The following GCNT2 variants were observed in gnomAD, a reference collection of about 807,000 sequenced individuals.
GCNT2 encodes the protein N-acetyllactosaminide beta-1,6-N-acetylglucosaminyl-transferase.
In GCNT2, 34 loss-of-function variants were observed where a neutral mutation model predicts 34.2. The observed-to-expected ratio is 1.00, with a 90% CI of 0.76 to 1.32. The LOEUF is 1.32. GCNT2 is among the 40% of genes most tolerant of loss of function. GCNT2 has a pLI of 0.00. For missense variants in GCNT2, 584 were observed against 489.4 expected (o/e 1.19, Z -1.82); for synonymous variants, 212 against 188.0 (o/e 1.13, Z -1.04).
At chr6:10,622,628 T>C (rs1255318691) in intron 4 of GCNT2, among the ~76,000 whole-genome samples, 1 of 151,880 alleles carries the variant, frequency 6.6e-6, no homozygotes, top group Non-Finnish European at 1.5e-5. Context: ...ATGCAATAAA[T>C]ATTTATTTAG....
rs760087190 is a variant in GCNT2, at chr6:10,529,015, T to C, written c.104T>C (p.Leu35Pro). The C allele has an allele frequency of 6.2e-7, 1 of 1,614,088 alleles. No homozygotes were observed. Among genetic ancestry groups the C allele is most frequent in the Non-Finnish European group, 8.5e-7 (1 of 1,179,916 alleles). The change falls in exon 3 of 5, where the codon CTG (leucine) becomes CCG (proline). Residue 35 changes from leucine (L) to proline (P), a missense_variant. Leu to Pro is a moderately conservative substitution (Grantham distance 98). Coordinates refer to ENST00000495262, the MANE Select transcript of GCNT2 (RefSeq NM_145649.5). Reference sequence around the variant, plus strand: ...GAGTTATGGGAGAATAAACGTTTTCTGAGGGCAGCTCTGTCCAATGCTTCA... The same window carrying C: ...GAGTTATGGGAGAATAAACGTTTTCCGAGGGCAGCTCTGTCCAATGCTTCA... Reference protein sequence around the residue: ...NTELWENKRFLRAALSNASLL... With the variant: ...NTELWENKRFPRAALSNASLL...
At chr6:10,566,352 C>A (rs571304757) in intron 3 of GCNT2, among the ~76,000 whole-genome samples, 5 of 152,268 alleles carry the variant, frequency 3.3e-5, no homozygotes, top group African/African-American at 1.2e-4. Context: ...GGCTGGAGTG[C>A]AGTGATACCA....
At chr6:10,611,354 C>T (rs1273131548) in intron 3 of GCNT2, among the ~76,000 whole-genome samples, 5 of 133,698 alleles carry the variant, frequency 3.7e-5, no homozygotes, top group Non-Finnish European at 6.3e-5. Context: ...TTTTTTGAGA[C>T]GGAGTCTCGC....
rs1191071044 is a variant in GCNT2, at chr6:10,621,404, A to C, written c.979A>C (p.Lys327Gln). The change falls in exon 4 of 5, where the codon AAG becomes CAG. Residue 327 changes from lysine (K) to glutamine (Q), a missense_variant. By Grantham distance (53) the Lys-to-Gln change is moderately conservative. Coordinates refer to ENST00000495262, the MANE Select transcript of GCNT2 (RefSeq NM_145649.5). Reference sequence around the variant, plus strand: ...CTGGACTGGAAACCTCAGAGCTATAAAGTGGAGTGACATGGAAGACAGACA... The same window carrying C: ...CTGGACTGGAAACCTCAGAGCTATACAGTGGAGTGACATGGAAGACAGACA... ...ASWTGNLRAIKWSDMEDRHGG... is the reference protein window; with the variant it reads ...ASWTGNLRAIQWSDMEDRHGG... 6.2e-7 allele frequency: 1 copy of C among 1,613,734 alleles called. No individual in the cohort carries two copies. Among genetic ancestry groups the C allele is most frequent in the Non-Finnish European group, 8.5e-7 (1 of 1,179,678 alleles).
chr6:10,565,610 C>T (rs1241378772), intron 3 of GCNT2, among the ~76,000 whole-genome samples: 5 of 152,334 alleles, frequency 3.3e-5, no homozygotes, highest in Non-Finnish European at 5.9e-5. Context: ...TTGCAGTCAG[C>T]TTCTGCTGGC....
At chr6:10,605,601 C>G (rs1409500045) in intron 3 of GCNT2, among the ~76,000 whole-genome samples, 1 of 151,982 alleles carries the variant, frequency 6.6e-6, no homozygotes, top group Non-Finnish European at 1.5e-5. Context: ...GTCATTGGTA[C>G]TTTTAAAAAG....
chr6:10,552,255 G>C (rs1477788709), intron 3 of GCNT2, among the ~76,000 whole-genome samples: 2 of 151,554 alleles, frequency 1.3e-5, no homozygotes, highest in Non-Finnish European at 2.9e-5. Flanking sequence ...ATGTGCTTTG[G>C]AAATGTCTTC....
chr6:10,602,720 G>T (rs756683773), intron 3 of GCNT2, among the ~76,000 whole-genome samples: 3 of 152,204 alleles, frequency 2.0e-5, no homozygotes, highest in Non-Finnish European at 4.4e-5. Context: ...TGGAGGGAAG[G>T]TTTTACAAGT....
intron 3 of GCNT2, among the ~76,000 whole-genome samples, chr6:10,563,178 A>T (rs1763086912): frequency 1.3e-5 from 2 of 152,032 alleles, no homozygotes; most frequent in African/African-American, 4.8e-5. Flanking sequence ...AAATAAGCAC[A>T]TCCCTCCTGT....
intron 3 of GCNT2, among the ~76,000 whole-genome samples, chr6:10,608,906 CAG>C (rs1445506999): frequency 6.6e-6 from 1 of 152,186 alleles, no homozygotes; most frequent in East Asian, 1.9e-4. Flanking sequence ...TACATGTCAA[CAG>C]GGCCAGACAA....
chr6:10,574,973 C>G (rs1243107917), intron 3 of GCNT2: 1 of 721,586 alleles, frequency 1.4e-6, no homozygotes, highest in African/African-American at 1.7e-5. Flanking sequence ...ATTCTCTTGG[C>G]AAGAATCTTG....
At chr6:10,605,941 C>T (rs111370698) in intron 3 of GCNT2, among the ~76,000 whole-genome samples, 1 of 152,174 alleles carries the variant, frequency 6.6e-6, no homozygotes, top group African/African-American at 2.4e-5. Context: ...CCCCAATGAT[C>T]TCTCCTTCTC....
rs184875743 is a variant in GCNT2, at chr6:10,594,778, G to T, written c.926-26573G>T. On this transcript the variant is annotated intron_variant, in intron 3 of 4. Transcript: ENST00000495262. ...ATGGCTCACCAACCATATAAAACTAGATGTAGATGTACCCAAAGATGGATA... is the reference window on the plus strand; with the variant it reads ...ATGGCTCACCAACCATATAAAACTATATGTAGATGTACCCAAAGATGGATA... Among the ~76,000 whole-genome samples the T allele has an allele frequency of 3.3e-5, 5 of 152,216 alleles. 1 individual carries two copies. The East Asian group carries it at 7.7e-4, about 23-fold the overall frequency.
At chr6:10,554,212 A>C (rs1197413155) in intron 3 of GCNT2, among the ~76,000 whole-genome samples, 1 of 152,234 alleles carries the variant, frequency 6.6e-6, no homozygotes, top group African/African-American at 2.4e-5. Context: ...CCTCTAATGC[A>C]ATAAGGGATT....
intron 3 of GCNT2, chr6:10,556,577 A>G: frequency 6.2e-7 from 1 of 1,614,150 alleles, no homozygotes; most frequent in Non-Finnish European, 8.5e-7. Flanking sequence ...CACATCTTTT[A>G]TCAATGGAAA....
chr6:10,583,211 C>T (rs1764199946), intron 3 of GCNT2, among the ~76,000 whole-genome samples: 1 of 152,186 alleles, frequency 6.6e-6, no homozygotes, highest in Non-Finnish European at 1.5e-5. Context: ...ATATCCAAAT[C>T]AATATCCATC....
At chr6:10,573,293 T>C in intron 3 of GCNT2, 1 of 984,902 alleles carries the variant, frequency 1.0e-6, no homozygotes, top group African/African-American at 1.7e-5. Flanking sequence ...TTACCTACGC[T>C]GTTCCTTGAA....
At chr6:10,615,932 A>T (rs1765739166) in intron 3 of GCNT2, among the ~76,000 whole-genome samples, 1 of 152,216 alleles carries the variant, frequency 6.6e-6, no homozygotes, top group Non-Finnish European at 1.5e-5. Flanking sequence ...TGTTTATATC[A>T]GCAAGGTCTT....
intron 3 of GCNT2, chr6:10,585,771 TGA>T: frequency 2.1e-6 from 3 of 1,421,278 alleles, no homozygotes; most frequent in East Asian, 2.6e-5. Flanking sequence ...CAGACCAAAG[TGA>T]GAGAGGGACG....
Sources: gnomAD v4.1 joint callset for allele counts (sites outside exome capture counted in the v4.1 genomes callset) on GRCh38, gnomAD v4.1.1 for gene constraint, MANE v1.5 for transcripts, NCBI Gene and HGNC (gene_info 2026-07-23, HGNC 2026-07-21) for gene names.